TP53BP2: variants seen among roughly 807,000 people sequenced by gnomAD.
TP53BP2 encodes the protein tumor protein p53 binding protein 2.
TP53BP2 carries 62 observed loss-of-function variants against 126.2 expected under a neutral mutation model. The observed-to-expected ratio is 0.49, with a 90% CI of 0.40 to 0.61. The LOEUF (loss-of-function observed/expected upper bound fraction) is 0.61. Ranked by LOEUF, TP53BP2 falls within the 20% of genes least tolerant of loss-of-function variation. TP53BP2 has a pLI of 0.00. For synonymous variants in TP53BP2, 485 were observed against 502.9 expected (o/e 0.96, Z 0.48); for missense variants, 1,215 against 1,402.8 (o/e 0.87, Z 2.14).
At chr1:223,822,632 G>A (rs1036262006) in intron 1 of TP53BP2, among the ~76,000 whole-genome samples, 2 of 151,190 alleles carry the variant, frequency 1.3e-5, no homozygotes, top group Non-Finnish European at 2.9e-5. Context: ...CTGCACCACT[G>A]CACTCCAGCC....
chr1:223,830,952 G>T (rs1663681619), intron 1 of TP53BP2, among the ~76,000 whole-genome samples: 1 of 151,988 alleles, frequency 6.6e-6, no homozygotes, highest in Non-Finnish European at 1.5e-5. Context: ...AAAAAAATTA[G>T]CCGGGCATGG....
At chr1:223,790,369 C>T (rs1324402597) in intron 15 of TP53BP2, among the ~76,000 whole-genome samples, 1 of 151,770 alleles carries the variant, frequency 6.6e-6, no homozygotes, top group African/African-American at 2.4e-5. Flanking sequence ...CCAGCCTGGG[C>T]AACACAGCAA....
Position 223,845,728 on chromosome 1 carries a change from G to T in TP53BP2, c.-48C>A. 1.3e-6 allele frequency: 2 copies of T among 1,484,242 alleles called. No homozygotes were observed. Among genetic ancestry groups the T allele is most frequent in the East Asian group, 2.8e-5 (1 of 35,260 alleles). 91.9% of individuals were successfully genotyped at this position (1,484,242 alleles called of 1,614,324 possible). On this transcript the variant is annotated 5_prime_UTR_variant, in exon 1 of 18. Transcript: ENST00000343537. The stretch of plus-strand genomic sequence containing the variant: ...GCCCCGGCCGAGCTGAGGTGCCCCG[G>T]AGGGTCGCGGATGCGGGGGAGGGGA...
chr1:223,782,593 C>T (rs1166227409), intron 17 of TP53BP2, among the ~76,000 whole-genome samples: 20 of 152,172 alleles, frequency 1.3e-4, no homozygotes. Context: ...ACCGACTCTC[C>T]TGCCTCAACC....
chr1:223,791,776 C>A (rs1006643662), intron 15 of TP53BP2, among the ~76,000 whole-genome samples: 3 of 152,038 alleles, frequency 2.0e-5, no homozygotes, highest in Non-Finnish European at 2.9e-5. Flanking sequence ...TTAAAACTTT[C>A]TTTTTTAAAA....
At chr1:223,813,186 C>A (rs1662972232) in intron 3 of TP53BP2, among the ~76,000 whole-genome samples, 1 of 152,146 alleles carries the variant, frequency 6.6e-6, no homozygotes, top group Non-Finnish European at 1.5e-5. Context: ...ATGTGACCAA[C>A]TGACTCCCTT....
At chr1:223,788,661 T>A (rs995862704) in intron 16 of TP53BP2, among the ~76,000 whole-genome samples, 1 of 152,198 alleles carries the variant, frequency 6.6e-6, no homozygotes, top group Non-Finnish European at 1.5e-5. Flanking sequence ...CTCTTGATCA[T>A]GTTGTTAGGA....
chr1:223,819,289 G>GT (rs1384992969), intron 2 of TP53BP2, among the ~76,000 whole-genome samples: 1 of 152,062 alleles, frequency 6.6e-6, no homozygotes, highest in Admixed American at 6.5e-5. Context: ...GGGATCAAAA[G>GT]TATCAAGGAA....
chr1:223,813,257 C>T (rs1423633884), intron 3 of TP53BP2, among the ~76,000 whole-genome samples: 1 of 152,182 alleles, frequency 6.6e-6, no homozygotes, highest in African/African-American at 2.4e-5. Flanking sequence ...AAATGCTAGC[C>T]TCTCAGTTCT....
At chr1:223,830,394 A>C (rs530513517) in intron 1 of TP53BP2, among the ~76,000 whole-genome samples, 2 of 152,210 alleles carry the variant, frequency 1.3e-5, no homozygotes, top group Non-Finnish European at 2.9e-5. Flanking sequence ...AACATAGATG[A>C]GGTTGTACAA....
chr1:223,807,020 G>C, intron 4 of TP53BP2, 73 bp from the exon 5 acceptor site: 2 of 1,189,222 alleles, frequency 1.7e-6, no homozygotes, highest in Non-Finnish European at 2.4e-6. Context: ...GCCCTCAAAG[G>C]TCTATGTAAA....
chr1:223,843,070 A>C (rs1664156212), intron 1 of TP53BP2, among the ~76,000 whole-genome samples: 1 of 152,208 alleles, frequency 6.6e-6, no homozygotes, highest in African/African-American at 2.4e-5. Context: ...TCTAAAATAC[A>C]TCTTCCACTT....
chr1:223,835,285 G>A (rs539510797), intron 1 of TP53BP2, among the ~76,000 whole-genome samples: 55 of 152,324 alleles, frequency 3.6e-4, no homozygotes, highest in African/African-American at 1.3e-3. Flanking sequence ...TATGCCTGAA[G>A]CTGAATTTAG....
At chr1:223,807,333 A>G (rs1005129243) in intron 4 of TP53BP2, among the ~76,000 whole-genome samples, 1 of 152,234 alleles carries the variant, frequency 6.6e-6, no homozygotes, top group Non-Finnish European at 1.5e-5. Flanking sequence ...GAATTTAGTC[A>G]TTGGAATATC....
chr1:223,814,498 T>A, intron 2 of TP53BP2, 145 bp from the exon 3 acceptor site: 1 of 620,304 alleles, frequency 1.6e-6, no homozygotes, highest in Non-Finnish European at 2.8e-6. Flanking sequence ...TTAAAACACG[T>A]CTTAGAAACT....
At chr1:223,828,934 A>C (rs1233330365) in intron 1 of TP53BP2, among the ~76,000 whole-genome samples, 3 of 152,116 alleles carry the variant, frequency 2.0e-5, no homozygotes, top group Admixed American at 2.0e-4. Context: ...TATACTAAAA[A>C]CCACTGAATT....
Position 223,802,169 on chromosome 1 carries a change from A to C in TP53BP2, c.1172T>G (p.Met391Arg). The C allele has an allele frequency of 6.2e-7, 1 of 1,614,176 alleles. No homozygotes were observed. The highest frequency in any genetic ancestry group is 8.5e-7 in the Non-Finnish European group (1 of 1,180,026). ...SLVIQASEGP[M>R]KIQTLPNMRS... ...CATGTTGGGCAGTGTCTGTATTTTCATCGGCCCCTCTGAAGCCTGAATGAC... is the reference window on the plus strand; with the variant it reads ...CATGTTGGGCAGTGTCTGTATTTTCCTCGGCCCCTCTGAAGCCTGAATGAC... Residue 391 changes from methionine to arginine, a missense_variant, in exon 9 of 18, where the codon ATG (methionine) becomes AGG (arginine). By Grantham distance (91) the Met-to-Arg change is moderately conservative (BLOSUM62 -1). Around this residue, in one of 4 missense-constraint regions of TP53BP2, gnomAD observed 814 missense variants for 853.0 expected, o/e 0.95. Transcript: ENST00000343537.
chr1:223,831,055 G>A (rs999761544), intron 1 of TP53BP2, among the ~76,000 whole-genome samples: 25 of 151,592 alleles, frequency 1.6e-4, no homozygotes, highest in African/African-American at 4.9e-4. Context: ...CCGAGATCGC[G>A]CCACTGCACT....
intron 1 of TP53BP2, among the ~76,000 whole-genome samples, chr1:223,839,936 T>C (rs781463603): frequency 9.9e-5 from 15 of 151,048 alleles, no homozygotes; most frequent in South Asian, 2.1e-4. Context: ...CAAGACTCTG[T>C]CTAAAAAAAA....
Sources: gnomAD v4.1 joint callset for allele counts (sites outside exome capture counted in the v4.1 genomes callset) on GRCh38, gnomAD v4.1.1 for gene constraint, gnomAD v4.1.1 regional missense constraint, MANE v1.5 for transcripts, NCBI Gene and HGNC (gene_info 2026-07-23, HGNC 2026-07-21) for gene names.